The following CNBD1 variants were observed in gnomAD, a reference collection of about 807,000 sequenced individuals.
The protein encoded by CNBD1 is cyclic nucleotide binding domain containing 1.
In CNBD1, 71 loss-of-function variants were observed where a neutral mutation model predicts 54.4. The ratio of observed to expected loss-of-function variants is 1.30; its 90% CI spans 1.08 to 1.59. The LOEUF is 1.59. Among genes scored for constraint, CNBD1 ranks in the 40% most tolerant of loss-of-function variants. The pLI, the probability that CNBD1 is intolerant of heterozygous loss-of-function variation, is 0.00. For synonymous variants in CNBD1, 182 were observed against 170.7 expected, an observed-to-expected ratio of 1.07 and a Z score of -0.51; for missense variants, 659 against 518.0, an observed-to-expected ratio of 1.27 and a Z score of -2.64.
intron 8 of CNBD1, 38 bp from the exon 9 acceptor site, chr8:87,351,647 C>G (rs963214113): frequency 3.5e-6 from 5 of 1,431,014 alleles, no homozygotes; most frequent in African/African-American, 1.5e-5. Flanking sequence ...TTATTAAAGA[C>G]AAGAATGTGT....
chr8:87,075,266 T>C (rs1269372150), intron 4 of CNBD1, among the ~76,000 whole-genome samples: 1 of 152,196 alleles, frequency 6.6e-6, no homozygotes, highest in Non-Finnish European at 1.5e-5. Context: ...ACATATAGGA[T>C]GCCCATGCAG....
chr8:86,911,982 T>A (rs1325985073), intron 3 of CNBD1, among the ~76,000 whole-genome samples: 1 of 151,916 alleles, frequency 6.6e-6, no homozygotes, highest in Non-Finnish European at 1.5e-5. Context: ...CACAAAAAAG[T>A]AAGAAGATAT....
intron 4 of CNBD1, among the ~76,000 whole-genome samples, chr8:87,174,611 C>T (rs1813159787): frequency 6.6e-6 from 1 of 152,076 alleles, no homozygotes; most frequent in African/African-American, 2.4e-5. Flanking sequence ...GTCATCTTAT[C>T]CTGGATGGTC....
At chr8:86,968,498 G>A (rs1808143838) in intron 4 of CNBD1, among the ~76,000 whole-genome samples, 1 of 152,178 alleles carries the variant, frequency 6.6e-6, no homozygotes, top group East Asian at 1.9e-4. Context: ...AACGACTAAG[G>A]CAACTCTCAA....
intron 8 of CNBD1, 129 bp from the exon 9 acceptor site, chr8:87,351,556 C>T: frequency 1.2e-6 from 1 of 836,404 alleles, no homozygotes; most frequent in Non-Finnish European, 1.7e-6. Flanking sequence ...TGTCTATAAA[C>T]TGGAATCTAT....
At chr8:87,106,884 C>T (rs1045185209) in intron 4 of CNBD1, among the ~76,000 whole-genome samples, 1 of 152,116 alleles carries the variant, frequency 6.6e-6, no homozygotes, top group African/African-American at 2.4e-5. Context: ...GGCTGGAGTG[C>T]AGTGGTGTGA....
At chr8:87,307,943 C>A (rs948301772) in intron 8 of CNBD1, among the ~76,000 whole-genome samples, 3 of 151,992 alleles carry the variant, frequency 2.0e-5, no homozygotes, top group Non-Finnish European at 4.4e-5. Context: ...CCTGTATCCA[C>A]AAGTTAAACT....
chr8:87,387,448 T>C (rs1811212610), downstream of CNBD1, among the ~76,000 whole-genome samples: 1 of 151,782 alleles, frequency 6.6e-6, no homozygotes, highest in African/African-American at 2.4e-5. Flanking sequence ...AAGGCAGGGG[T>C]TGCAACTCTA....
chr8:87,417,916 A>C (rs1457395335), intron 2 of CNBD1, among the ~76,000 whole-genome samples: 1 of 151,898 alleles, frequency 6.6e-6, no homozygotes, highest in South Asian at 2.1e-4. Flanking sequence ...GAAAACATAA[A>C]TAGAAAGACA....
rs541788334 is a variant in CNBD1, at chr8:87,405,171, C to CA, written c.214-23368dup. Reference sequence around the variant, plus strand: ...TTACAAAAAGGTGAGGGAATAGATACAAAAAAATAAATTTAGGCTTTGGAC... The same window carrying CA: ...TTACAAAAAGGTGAGGGAATAGATACAAAAAAAATAAATTTAGGCTTTGGAC... On this transcript the variant is annotated intron_variant, in intron 2 of 7. Coordinates refer to the CNBD1 transcript ENST00000521593. Among the ~76,000 whole-genome samples the CA allele has an allele frequency of 4.6e-5, 7 of 151,830 alleles. No individual in the cohort carries two copies. In the South Asian group the frequency reaches 8.3e-4, roughly 18 times the overall value.
At chr8:87,329,650 T>G (rs565136564) in intron 8 of CNBD1, among the ~76,000 whole-genome samples, 2 of 152,200 alleles carry the variant, frequency 1.3e-5, no homozygotes, top group African/African-American at 2.4e-5. Context: ...TGATGGGAAG[T>G]GCTAATTTAT....
downstream of CNBD1, among the ~76,000 whole-genome samples, chr8:87,387,170 A>C (rs529399827): frequency 2.6e-5 from 4 of 152,204 alleles, no homozygotes; most frequent in African/African-American, 4.8e-5. Context: ...TGTAAAGACT[A>C]TCGAGGTTAG....
chr8:87,373,867 T>A (rs1455243553), intron 10 of CNBD1, among the ~76,000 whole-genome samples: 1 of 151,526 alleles, frequency 6.6e-6, no homozygotes, highest in Non-Finnish European at 1.5e-5. Context: ...TCTATGCCTG[T>A]ACAAATGTAA....
chr8:87,368,309 A>G (rs1474036377), intron 10 of CNBD1, among the ~76,000 whole-genome samples: 1 of 152,064 alleles, frequency 6.6e-6, no homozygotes. Context: ...AAGTTTTGGA[A>G]GGGCAGACTA....
chr8:87,171,097 G>A (rs945190810), intron 4 of CNBD1, among the ~76,000 whole-genome samples: 1 of 152,126 alleles, frequency 6.6e-6, no homozygotes, highest in Admixed American at 6.6e-5. Flanking sequence ...ATTGGTATTA[G>A]TGCTTCTTTA....
intron 2 of CNBD1, among the ~76,000 whole-genome samples, chr8:87,414,007 C>T (rs1292517697): frequency 6.6e-6 from 1 of 152,000 alleles, no homozygotes; most frequent in Non-Finnish European, 1.5e-5. Context: ...TTTGACCCAG[C>T]CATCCCATTA....
At chr8:86,927,200 G>A (rs1349477278) in intron 3 of CNBD1, among the ~76,000 whole-genome samples, 1 of 152,172 alleles carries the variant, frequency 6.6e-6, no homozygotes, top group East Asian at 1.9e-4. Flanking sequence ...GGTGTTGGGA[G>A]CAAACTGAGT....
At chr8:87,339,294 T>C (rs958520683) in intron 8 of CNBD1, among the ~76,000 whole-genome samples, 14 of 152,186 alleles carry the variant, frequency 9.2e-5, no homozygotes, top group African/African-American at 3.4e-4. Context: ...AGTAATGGGT[T>C]CTCCCTGGAG....
intron 6 of CNBD1, among the ~76,000 whole-genome samples, chr8:87,250,018 T>C (rs1807881678): frequency 6.6e-6 from 1 of 152,046 alleles, no homozygotes; most frequent in South Asian, 2.1e-4. Context: ...AAATGAAACA[T>C]CAACAAAGTG....
Sources: gnomAD v4.1 joint callset for allele counts (sites outside exome capture counted in the v4.1 genomes callset) on GRCh38, gnomAD v4.1.1 for gene constraint, MANE v1.5 for transcripts, NCBI Gene and HGNC (gene_info 2026-07-23, HGNC 2026-07-21) for gene names.